KIR3DL2: variants seen among roughly 807,000 people sequenced by gnomAD.
The protein encoded by KIR3DL2 is killer cell immunoglobulin-like receptor 3DL2.
Under a neutral mutation model 41.6 loss-of-function variants are expected in KIR3DL2, and 42 were observed. That is an observed-to-expected ratio of 1.01 (90% confidence interval 0.79 to 1.31). The LOEUF (loss-of-function observed/expected upper bound fraction) is 1.31, where lower values mean the gene tolerates loss of function less well. Ranked by LOEUF, KIR3DL2 falls within the 50% of genes most tolerant of loss-of-function variation. KIR3DL2 has a pLI of 0.00. For synonymous variants in KIR3DL2, 230 were observed against 221.3 expected (o/e 1.04, Z -0.35); for missense variants, 728 against 576.8 (o/e 1.26, Z -2.68).
chr19:54,851,261 T>C lies in KIR3DL2; in HGVS notation c.70+6T>C. The C allele has an allele frequency of 6.2e-7, 1 of 1,608,158 alleles. No individual in the cohort carries two copies. Among genetic ancestry groups the C allele is most frequent in the Non-Finnish European group, 8.5e-7 (1 of 1,177,356 alleles). ...GGGGGCCTGGCCACTCATGGGTGAG[T>C]CCGTCCCCAAACCTTAGGGTGTCAT... On this transcript the variant is annotated splice_donor_region_variant and intron_variant, in intron 2 of 8. Transcript: ENST00000326321.
In KIR3DL2 at chr19:54,855,810, G is replaced by C. The variant is rs2064714904; in HGVS notation, c.847G>C (p.Gly283Arg). 1.9e-6 allele frequency: 3 copies of C among 1,613,294 alleles called. No homozygotes were observed. Among genetic ancestry groups the C allele is most frequent in the South Asian group, 2.2e-5 (2 of 91,080 alleles). ...AACATTCCAGGCAGACTTTCCTCTG[G>C]GCCCTGCCACCCACGGAGGGACCTA... ...NRTFQADFPL[G>R]PATHGGTYRC... The change falls in exon 5 of 9, where the codon GGC becomes CGC. Residue 283 changes from glycine (G) to arginine (R), a missense_variant. Physicochemically the swap from Gly to Arg is moderately radical, Grantham distance 125. Coordinates refer to ENST00000326321, the MANE Select transcript of KIR3DL2 (RefSeq NM_006737.4).
rs369953892 is a variant in KIR3DL2 at position 54,866,619 on chromosome 19, A to C, written c.1256A>C (p.Lys419Thr). Reference protein sequence around the residue: ...RKISRPSQRPKTPLTDTSVYT... With the variant: ...RKISRPSQRPTTPLTDTSVYT... ...ATCAGTCGCCCTTCTCAGAGGCCCA[A>C]GACACCCCTAACAGATACCAGCGTG... The change falls in exon 9 of 9, where the codon AAG becomes ACG. Residue 419 changes from lysine to threonine, a missense_variant. Physicochemically the swap from Lys to Thr is moderately conservative, Grantham distance 78. Coordinates refer to ENST00000326321, the MANE Select transcript of KIR3DL2 (RefSeq NM_006737.4). 7.7e-5 allele frequency: 125 copies of C among 1,613,908 alleles called. No homozygotes were observed. Among genetic ancestry groups the C allele is most frequent in the Non-Finnish European group, 1.0e-4 (121 of 1,179,978 alleles).
Position 54,850,500 on chromosome 19 carries a change from G to T in KIR3DL2, c.25G>T (p.Ala9Ser). Residue 9 changes from alanine to serine, a missense_variant, in exon 1 of 9, where the codon GCG (alanine) becomes TCG (serine). Transcript: ENST00000326321. ...CATGTCGCTCACGGTCGTCAGCATG[G>T]CGTGCGTTGGTGAGTCCTGGAAGGG... MSLTVVSM[A>S]CVGFFLLQGA... 1 of 1,609,286 alleles carries T rather than the reference G, an allele frequency of 6.2e-7. No homozygotes were observed.
At chr19:54,853,705 A>C in intron 3 of KIR3DL2, 42 bp from the exon 4 acceptor site, 1 of 1,594,574 alleles carries the variant, frequency 6.3e-7, no homozygotes, top group Non-Finnish European at 8.6e-7. Context: ...GGATGGGATG[A>C]TAAAGAGAGA....
Position 54,852,025 on chromosome 19 carries a change from C to G in KIR3DL2, c.98C>G (p.Ala33Gly), listed in dbSNP as rs1231089628. 6.2e-7 allele frequency: 1 copy of G among 1,611,002 alleles called. No homozygotes were observed. The highest frequency in any genetic ancestry group is 1.3e-5 in the African/African-American group (1 of 74,360). ...GGTCAGGACAAACCCTTCCTGTCTG[C>G]CCGGCCCAGCACTGTGGTGCCTCGA... ...MGGQDKPFLS[A>G]RPSTVVPRGG... is the part of the protein sequence containing the mutation. Residue 33 changes from alanine to glycine, a missense_variant, in exon 3 of 9, where the codon GCC becomes GGC. Physicochemically the swap from Ala to Gly is moderately conservative, Grantham distance 60 (BLOSUM62 0). Transcript: ENST00000326321.
At chr19:54,856,816 G>A (rs2064818076) in intron 5 of KIR3DL2, among the ~76,000 whole-genome samples, 1 of 152,016 alleles carries the variant, frequency 6.6e-6, no homozygotes, top group African/African-American at 2.4e-5. Context: ...GTGAGAAATG[G>A]GAATCTTTGT....
intron 3 of KIR3DL2, among the ~76,000 whole-genome samples, chr19:54,853,321 A>G (rs1382445797): frequency 6.6e-6 from 1 of 151,690 alleles, no homozygotes; most frequent in Non-Finnish European, 1.5e-5. Flanking sequence ...AATCCCCATC[A>G]GGAACAGGGT....
chr19:54,858,505 G>A (rs2064955947), intron 5 of KIR3DL2, among the ~76,000 whole-genome samples: 1 of 150,338 alleles, frequency 6.7e-6, no homozygotes. Flanking sequence ...GAGGCGGGTG[G>A]ATCACCTAAA....
intron 6 of KIR3DL2, among the ~76,000 whole-genome samples, chr19:54,859,375 A>G (rs1366451256): frequency 6.6e-6 from 1 of 152,126 alleles, no homozygotes; most frequent in Admixed American, 6.5e-5. Context: ...CCAATCTGAC[A>G]TCCTTCTCAG....
In KIR3DL2 at chr19:54,856,793, T is replaced by G. The variant is rs111363099; in HGVS notation, c.949+881T>G. On this transcript the variant is annotated intron_variant, in intron 5 of 8. Coordinates refer to ENST00000326321, the MANE Select transcript of KIR3DL2 (RefSeq NM_006737.4). ...CTACCTTCATGAGATCCACCTTTTATCTCCTGCATGTGGTGAGAAATGGGA... is the reference window on the plus strand; with the variant it reads ...CTACCTTCATGAGATCCACCTTTTAGCTCCTGCATGTGGTGAGAAATGGGA... Among the ~76,000 whole-genome samples, 400 of 152,020 alleles carry G rather than the reference T, an allele frequency of 2.6e-3. 5 individuals carry two copies. Among genetic ancestry groups the G allele is most frequent in the African/African-American group, 9.0e-3 (370 of 41,340 alleles).
chr19:54,855,979 G>GATGATGGGGAGAAGC, intron 5 of KIR3DL2, 67 bp downstream of exon 5: 1 of 1,561,176 alleles, frequency 6.4e-7, no homozygotes, highest in Non-Finnish European at 8.8e-7. Context: ...GCTTCCTGCC[G>GATGATGGGGAGAAGC]ATGATGGGGA....
chr19:54,857,639 C>T lies in KIR3DL2; in HGVS notation c.950-1440C>T, dbSNP rs1376970516. On this transcript the variant is annotated intron_variant, in intron 5 of 8. Coordinates refer to ENST00000326321, the MANE Select transcript of KIR3DL2 (RefSeq NM_006737.4). Reference sequence around the variant, plus strand: ...TGATCTCGGCTCACTGCAACCTCTGCCTCCCGCGTTCAACTGATTCTCCTG... The same window carrying T: ...TGATCTCGGCTCACTGCAACCTCTGTCTCCCGCGTTCAACTGATTCTCCTG... 2.0e-3 allele frequency among the ~76,000 whole-genome samples: 309 copies of T among 151,332 alleles called. 12 individuals carry two copies. The highest frequency in any genetic ancestry group is 7.2e-3 in the African/African-American group (293 of 40,908).
chr19:54,859,183 C>G (rs1827579231), intron 6 of KIR3DL2, 54 bp downstream of exon 6: 7 of 1,521,192 alleles, frequency 4.6e-6, no homozygotes, highest in East Asian at 2.3e-5. Context: ...GAGGTGGAAG[C>G]CTTGGATGCA....
intron 6 of KIR3DL2, among the ~76,000 whole-genome samples, chr19:54,860,950 G>A (rs1221728017): frequency 7.3e-6 from 1 of 137,660 alleles, no homozygotes; most frequent in African/African-American, 2.6e-5. Flanking sequence ...GGGTACACAG[G>A]AAACTAAGGA....
At position 54,866,537 on chromosome 19, in the gene KIR3DL2, G is replaced by T. The variant is rs367997111; in HGVS notation, c.1174G>T (p.Asp392Tyr). The change falls in exon 9 of 9, where the codon GAC becomes TAC. Residue 392 changes from aspartate to tyrosine, a missense_variant. Transcript: ENST00000326321. ...CTCTCTCCAGGACTCTGATGAACAA[G>T]ACCCTCAGGAGGTGACGTACGCACA... ...TVNRQDSDEQ[D>Y]PQEVTYAQLD... The T allele has an allele frequency of 7.4e-6, 12 of 1,613,872 alleles. No homozygotes were observed. Among genetic ancestry groups the T allele is most frequent in the Admixed American group, 1.7e-5 (1 of 60,004 alleles).
intron 7 of KIR3DL2, 40 bp downstream of exon 7, chr19:54,865,949 T>C: frequency 1.9e-6 from 3 of 1,564,726 alleles, no homozygotes; most frequent in Admixed American, 1.7e-5. Context: ...CTCAGGGCCA[T>C]GTGGGGAAGC....
rs1242663566 is a variant in KIR3DL2, at chr19:54,855,674, A to G, written c.711A>G (p.Gly237=). The G allele has an allele frequency of 6.2e-7, 1 of 1,613,410 alleles. No homozygotes were observed. The highest frequency in any genetic ancestry group is 1.3e-5 in the African/African-American group (1 of 74,462). The change falls in exon 5 of 9, where the codon GGA becomes GGG. Residue 237 remains glycine, a synonymous_variant. Coordinates refer to ENST00000326321, the MANE Select transcript of KIR3DL2 (RefSeq NM_006737.4). ...SAQPGPTVQA[G]ENVTLSCSSW... ...AGCCGGGCCCCACGGTTCAGGCAGGAGAGAACGTGACCTTGTCCTGTAGCT... is the reference window on the plus strand; with the variant it reads ...AGCCGGGCCCCACGGTTCAGGCAGGGGAGAACGTGACCTTGTCCTGTAGCT...
At chr19:54,865,258 T>G (rs2065423605) in intron 6 of KIR3DL2, among the ~76,000 whole-genome samples, 2 of 152,044 alleles carry the variant, frequency 1.3e-5, no homozygotes, top group Non-Finnish European at 2.9e-5. Flanking sequence ...CAGGCTGTAC[T>G]GGAAGCATGG....
chr19:54,852,357 A>C (rs1569520202), intron 3 of KIR3DL2, 75 bp downstream of exon 3: 2 of 1,568,254 alleles, frequency 1.3e-6, no homozygotes, highest in African/African-American at 1.4e-5. Flanking sequence ...GGTGTCCATC[A>C]GGGTCCCATC....
Sources: gnomAD v4.1 joint callset for allele counts (sites outside exome capture counted in the v4.1 genomes callset) on GRCh38, gnomAD v4.1.1 for gene constraint, MANE v1.5 for transcripts, NCBI Gene and HGNC (gene_info 2026-07-23, HGNC 2026-07-21) for gene names.